ZMIZ2: variants seen among roughly 807,000 people sequenced by gnomAD.
ZMIZ2 encodes the protein zinc finger MIZ domain-containing protein 2.
In ZMIZ2, 26 loss-of-function variants were observed where a neutral mutation model predicts 93.9. The ratio of observed to expected loss-of-function variants is 0.28; its 90% CI spans 0.20 to 0.38. The LOEUF (loss-of-function observed/expected upper bound fraction) is 0.38, where lower values mean the gene tolerates loss of function less well. Ranked by LOEUF, ZMIZ2 falls within the 10% of genes least tolerant of loss-of-function variation. ZMIZ2 has a pLI of 1.00. For synonymous variants in ZMIZ2, 485 were observed against 516.4 expected (o/e 0.94, Z 0.82); for missense variants, 1,023 against 1,235.0 (o/e 0.83, Z 2.57).
In ZMIZ2 at chr7:44,759,430, C is replaced by G; in HGVS notation, c.963C>G (p.Ser321=). Residue 321 remains serine (S), a synonymous_variant, in exon 7 of 19, where the codon TCC becomes TCG. Transcript: ENST00000309315. ...AGCAGGGCATGACCCAGTCCCTGTCCGTGCCTGGCCCCACGGGACTGCATT... is the reference window on the plus strand; with the variant it reads ...AGCAGGGCATGACCCAGTCCCTGTCGGTGCCTGGCCCCACGGGACTGCATT... ...PLQQGMTQSL[S]VPGPTGLHYK... The G allele has an allele frequency of 6.3e-7, 1 of 1,580,620 alleles. No homozygotes were observed. The highest frequency in any genetic ancestry group is 8.6e-7 in the Non-Finnish European group (1 of 1,163,622).
At chr7:44,753,600 A>G (rs1185614425) in intron 1 of ZMIZ2, among the ~76,000 whole-genome samples, 2 of 152,182 alleles carry the variant, frequency 1.3e-5, no homozygotes, top group East Asian at 1.9e-4. Flanking sequence ...GCAGCTTGCA[A>G]ATATTTCTCC....
Position 44,765,476 on chromosome 7 carries a change from G to T in ZMIZ2, c.2139G>T (p.Met713Ile). The T allele has an allele frequency of 1.2e-6, 2 of 1,603,144 alleles. No homozygotes were observed. The highest frequency in any genetic ancestry group is 1.7e-6 in the Non-Finnish European group (2 of 1,179,824). ...CCGTGAGCCCCGCCCACGTGCTCAT[G>T]CCCAGCGTGATGGAGATGATCGCCG... is the stretch of plus-strand genomic sequence containing the variant. ...CRTVSPAHVL[M>I]PSVMEMIAAL... The change falls in exon 16 of 19, where the codon ATG becomes ATT. Residue 713 changes from methionine (M) to isoleucine (I), a missense_variant. Met to Ile is a conservative substitution (Grantham distance 10). Transcript: ENST00000309315. This position sits in a 1 kb window ranked among gnomAD's most constrained non-coding sequence, Gnocchi z 4.1.
rs923900827 is a variant in ZMIZ2, at chr7:44,756,974, G to A, written c.193G>A (p.Gly65Arg). The change falls in exon 4 of 19, where the codon GGG becomes AGG. Residue 65 changes from glycine to arginine, a missense_variant. By Grantham distance (125) the Gly-to-Arg change is moderately radical. Around this residue, in one of 3 missense-constraint regions of ZMIZ2, gnomAD observed 656 missense variants for 777.1 expected, o/e 0.84. Coordinates refer to ENST00000309315, the MANE Select transcript of ZMIZ2 (RefSeq NM_031449.4). ...TTTGGGGAACCCCATGGGCCCTGCA[G>A]GGAGTCCCTCTGGCAGCTCCATGAT... ...QVLGNPMGPA[G>R]SPSGSSMMPG... is the part of the protein sequence containing the mutation. 6.8e-6 allele frequency: 11 copies of A among 1,612,124 alleles called. No homozygotes were observed. The highest frequency in any genetic ancestry group is 8.5e-6 in the Non-Finnish European group (10 of 1,179,374).
chr7:44,762,545 A>T (rs1225737460), intron 11 of ZMIZ2, among the ~76,000 whole-genome samples: 2 of 152,214 alleles, frequency 1.3e-5, no homozygotes, highest in East Asian at 3.9e-4. Context: ...GTGACTGTGG[A>T]TGTGCGAGCA....
rs1337454699 is a variant in ZMIZ2 at position 44,759,458 on chromosome 7, A to G, written c.991A>G (p.Lys331Glu). 5.9e-6 allele frequency: 9 copies of G among 1,522,350 alleles called. No individual in the cohort carries two copies. Among genetic ancestry groups the G allele is most frequent in the Non-Finnish European group, 7.9e-6 (9 of 1,133,894 alleles). 94.3% of individuals were successfully genotyped at this position (1,522,350 alleles called of 1,614,324 possible). The change falls in exon 7 of 19, where the codon AAG becomes GAG. Residue 331 changes from lysine to glutamate, a missense_variant and splice_region_variant. Coordinates refer to ENST00000309315, the MANE Select transcript of ZMIZ2 (RefSeq NM_031449.4). ...SVPGPTGLHY[K>E]PTEQFNGQGA... ...GCCTGGCCCCACGGGACTGCATTAT[A>G]AGGTAGGGCAGGCTCCTCCAGGCCC... is the stretch of plus-strand genomic sequence containing the variant.
At chr7:44,758,561 A>C (rs1277123012) in intron 6 of ZMIZ2, among the ~76,000 whole-genome samples, 1 of 151,614 alleles carries the variant, frequency 6.6e-6, no homozygotes, top group Admixed American at 6.6e-5. Context: ...GGATCACTTG[A>C]GATCAGGAGT....
Position 44,756,314 on chromosome 7 carries a change from C to T in ZMIZ2, c.50+15C>T, listed in dbSNP as rs746563121. ...GCGCCACACGGGTGAGTGTGGGCTCCTCTGCCCACCCCTCAGGCCCTGGGG... is the reference window on the plus strand; with the variant it reads ...GCGCCACACGGGTGAGTGTGGGCTCTTCTGCCCACCCCTCAGGCCCTGGGG... On this transcript the variant is annotated intron_variant, in intron 2 of 18. Transcript: ENST00000309315. The T allele has an allele frequency of 6.2e-7, 1 of 1,613,962 alleles. No individual in the cohort carries two copies. The highest frequency in any genetic ancestry group is 1.1e-5 in the South Asian group (1 of 91,090).
Position 44,765,730 on chromosome 7 carries a change from T to G in ZMIZ2, c.2242+151T>G, listed in dbSNP as rs914258608. On this transcript the variant is annotated intron_variant, in intron 16 of 18. Coordinates refer to ENST00000309315, the MANE Select transcript of ZMIZ2 (RefSeq NM_031449.4). The surrounding 1 kb of genome is among the most constrained non-coding windows in gnomAD (Gnocchi z 4.1). ...CACACAAAACATGCCGCGGGGCACC[T>G]CCAGCCCCTCCCATCTCAGGGACGT... 3.3e-6 allele frequency: 4 copies of G among 1,200,566 alleles called. No individual in the cohort carries two copies. The highest frequency in any genetic ancestry group is 3.1e-5 in the African/African-American group (2 of 65,302). 74.4% of individuals were successfully genotyped at this position (1,200,566 alleles called of 1,614,324 possible). A position where few individuals can be genotyped will look rare whatever the true frequency, so the allele number is the denominator to read the frequency against.
chr7:44,760,007 T>C, intron 7 of ZMIZ2, 144 bp from the exon 8 acceptor site: 1 of 834,804 alleles, frequency 1.2e-6, no homozygotes, highest in Non-Finnish European at 1.9e-6. Context: ...TATGATTGCT[T>C]TAAGTAGTGT....
At position 44,765,093 on chromosome 7, in the gene ZMIZ2, G is replaced by C; in HGVS notation, c.1997+84G>C. The C allele has an allele frequency of 6.4e-7, 1 of 1,570,180 alleles. No individual in the cohort carries two copies. The highest frequency in any genetic ancestry group is 1.1e-5 in the South Asian group (1 of 88,934). On this transcript the variant is annotated intron_variant, in intron 15 of 18. Transcript: ENST00000309315. The surrounding 1 kb of genome is among the most constrained non-coding windows in gnomAD (Gnocchi z 4.1). ...CATGTCGGGGGATGTCCCTTGCCAA[G>C]TGCAGCCTTCCAGCCTTTTTCCGGC...
chr7:44,759,502 G>A (rs753419101), intron 7 of ZMIZ2, 42 bp downstream of exon 7: 8 of 1,381,480 alleles, frequency 5.8e-6, no homozygotes, highest in African/African-American at 1.5e-5. Flanking sequence ...GCTCCGTGCT[G>A]AGTGCTGTGG....
At position 44,766,227 on chromosome 7, in the gene ZMIZ2, C is replaced by G. The variant is rs377078554; in HGVS notation, c.2306C>G (p.Pro769Arg). The G allele has an allele frequency of 6.2e-7, 1 of 1,605,128 alleles. No individual in the cohort carries two copies. Among genetic ancestry groups the G allele is most frequent in the Non-Finnish European group, 8.5e-7 (1 of 1,174,824 alleles). Residue 769 changes from proline (P) to arginine (R), a missense_variant, in exon 17 of 19, where the codon CCA (proline) becomes CGA (arginine). Transcript: ENST00000309315. This position sits in a 1 kb window ranked among gnomAD's most constrained non-coding sequence, Gnocchi z 4.4. ...ESFPPTTPST[P>R]TLAEFTPGPP... ...TTCCCACCCACCACGCCCAGCACCC[C>G]AACCCTTGCTGAGTTCACCCCGGGA...
Position 44,766,448 on chromosome 7 carries a change from A to G in ZMIZ2, c.2440A>G (p.Thr814Ala). 6.2e-7 allele frequency: 1 copy of G among 1,613,920 alleles called. No individual in the cohort carries two copies. Among genetic ancestry groups the G allele is most frequent in the Non-Finnish European group, 8.5e-7 (1 of 1,179,978 alleles). Residue 814 changes from threonine to alanine, a missense_variant, in exon 18 of 19, where the codon ACT becomes GCT. Transcript: ENST00000309315. The surrounding 1 kb of genome is among the most constrained non-coding windows in gnomAD (Gnocchi z 4.4). ...GGCACCAGCAGGTCACCTGGACCCC[A>G]CTCACAATCCTGGGACACCAGGACT... ...QMAPAGHLDP[T>A]HNPGTPGLHT...
chr7:44,755,872 G>A lies in ZMIZ2; in HGVS notation c.-62-316G>A, dbSNP rs188794445. ...GGCTTTATAAGGATAGCCAGGCCTC[G>A]GTGTGGGCGGGAGAGTGGGGAAAGT... On this transcript the variant is annotated intron_variant, in intron 1 of 18. Coordinates refer to ENST00000309315, the MANE Select transcript of ZMIZ2 (RefSeq NM_031449.4). 1.2e-3 allele frequency among the ~76,000 whole-genome samples: 190 copies of A among 152,286 alleles called. 2 individuals carry two copies. The South Asian group carries it at 0.013, about 11-fold the overall frequency.
chr7:44,764,472 G>A lies in ZMIZ2; in HGVS notation c.1914G>A (p.Arg638=), dbSNP rs1274820801. 6.2e-7 allele frequency: 1 copy of A among 1,614,088 alleles called. No homozygotes were observed. The highest frequency in any genetic ancestry group is 8.5e-7 in the Non-Finnish European group (1 of 1,180,026). The change falls in exon 14 of 19, where the codon AGG becomes AGA. Residue 638 remains arginine (R), a synonymous_variant. Coordinates refer to ENST00000309315, the MANE Select transcript of ZMIZ2 (RefSeq NM_031449.4). ...TCAACTGTGAGCGGGGGACTTGGAG[G>A]TGTCCTGTGTGCAAGTGAGTCTCAG... is the stretch of plus-strand genomic sequence containing the variant. The part of the protein sequence containing the change: ...LQLNCERGTW[R]CPVCNKTALL...
In ZMIZ2 at chr7:44,761,383, CCTT is replaced by C; in HGVS notation, c.1241-65_1241-63del. ...AAGGTGGCTGGGGAGCCGCTGCCCT[CCTT>C]GAGTGACACAAGACGCTCTGGCTGG... is the stretch of plus-strand genomic sequence containing the variant. On this transcript the variant is annotated intron_variant, in intron 9 of 18. Coordinates refer to ENST00000309315, the MANE Select transcript of ZMIZ2 (RefSeq NM_031449.4). The surrounding 1 kb of genome is among the most constrained non-coding windows in gnomAD (Gnocchi z 5.8). 1 of 1,574,928 alleles carries C rather than the reference CCTT, an allele frequency of 6.3e-7. No individual in the cohort carries two copies. The highest frequency in any genetic ancestry group is 8.6e-7 in the Non-Finnish European group (1 of 1,164,936).
rs1404349231 is a variant in ZMIZ2, at chr7:44,763,442, A to C, written c.1860+29A>C. The C allele has an allele frequency of 1.2e-6, 2 of 1,611,354 alleles. No individual in the cohort carries two copies. The highest frequency in any genetic ancestry group is 1.7e-5 in the Admixed American group (1 of 59,904). On this transcript the variant is annotated intron_variant, in intron 13 of 18. Transcript: ENST00000309315. This position sits in a 1 kb window ranked among gnomAD's most constrained non-coding sequence, Gnocchi z 5.6. ...GGTGGTTACTGCAGAGTCTTGCCGG[A>C]ATTTGCTGCTGCTAAAATATCTTGA...
Position 44,766,555 on chromosome 7 carries a change from C to T in ZMIZ2, c.2547C>T (p.Gly849=). 1 of 1,613,978 alleles carries T rather than the reference C, an allele frequency of 6.2e-7. No individual in the cohort carries two copies. Among genetic ancestry groups the T allele is most frequent in the Non-Finnish European group, 8.5e-7 (1 of 1,180,038 alleles). Residue 849 remains glycine, a synonymous_variant, in exon 18 of 19, where the codon GGC becomes GGT. Coordinates refer to ENST00000309315, the MANE Select transcript of ZMIZ2 (RefSeq NM_031449.4). This position sits in a 1 kb window ranked among gnomAD's most constrained non-coding sequence, Gnocchi z 4.4. ...NPPPASRQSL[G]QASLGPTGEL... ...CCCCAGCGTCCCGGCAGTCCTTGGG[C>T]CAAGCGAGCTTAGGACCTACGGGTG...
intron 2 of ZMIZ2, 50 bp downstream of exon 2, chr7:44,756,349 G>C: frequency 6.2e-7 from 1 of 1,613,924 alleles, no homozygotes; most frequent in Non-Finnish European, 8.5e-7. Flanking sequence ...GTTGGGGGTG[G>C]CATTTCTGGA....
Sources: gnomAD v4.1 joint callset for allele counts (sites outside exome capture counted in the v4.1 genomes callset) on GRCh38, gnomAD v4.1.1 for gene constraint, gnomAD v4.1.1 regional missense constraint, Gnocchi (gnomAD v3.1) non-coding constraint, MANE v1.5 for transcripts, NCBI Gene and HGNC (gene_info 2026-07-23, HGNC 2026-07-21) for gene names.